Variants in CEP95 observed in about 807,000 individuals in gnomAD.
The protein encoded by CEP95 is centrosomal protein of 95 kDa.
A neutral mutation model predicts 111.2 loss-of-function variants in CEP95; 98 were observed. That is an observed-to-expected ratio of 0.88 (90% confidence interval 0.75 to 1.04). CEP95 has a LOEUF of 1.04. CEP95 is among the 50% of genes least tolerant of loss of function. CEP95 has a pLI of 0.00. For synonymous variants in CEP95, 323 were observed against 327.1 expected (o/e 0.99, Z 0.14); for missense variants, 1,027 against 977.2 (o/e 1.05, Z -0.68).
intron 13 of CEP95, among the ~76,000 whole-genome samples, chr17:64,531,688 G>GAGGCCAAA (rs1270202615): frequency 6.6e-6 from 1 of 152,144 alleles, no homozygotes; most frequent in Non-Finnish European, 1.5e-5. Context: ...AGGGATGCCA[G>GAGGCCAAA]AGGCCAAAAG....
chr17:64,533,924 A>G (rs1185070120), intron 16 of CEP95: 2 of 152,210 alleles, frequency 1.3e-5, no homozygotes, highest in African/African-American at 2.4e-5. Flanking sequence ...AGCCTCCGTT[A>G]TAATTTTGAC....
chr17:64,537,792 T>C lies in CEP95; in HGVS notation c.*13T>C. ...TCCCTCCCTATGAGGCCAGACTTGATAATAGTAGGTGAAGGTTCTGGAGGC... is the reference window on the plus strand; with the variant it reads ...TCCCTCCCTATGAGGCCAGACTTGACAATAGTAGGTGAAGGTTCTGGAGGC... On this transcript the variant is annotated 3_prime_UTR_variant, in exon 20 of 20. Transcript: ENST00000556440. 4 of 1,538,138 alleles carry C rather than the reference T, an allele frequency of 2.6e-6. No individual in the cohort carries two copies.
chr17:64,532,601 G>A, intron 14 of CEP95: 1 of 1,296,008 alleles, frequency 7.7e-7, no homozygotes, highest in Non-Finnish European at 9.8e-7. Context: ...TGAGCAATTA[G>A]GATGGACTTC....
rs573758572 is a variant in CEP95, at chr17:64,507,953, C to G, written c.20-639C>G. On this transcript the variant is annotated intron_variant, in intron 1 of 19. Transcript: ENST00000556440. ...CTAGGGGAGAGGAGAATGTGGTACGCAGGAAACGTCAACAGTATTGATAAT... is the reference window on the plus strand; with the variant it reads ...CTAGGGGAGAGGAGAATGTGGTACGGAGGAAACGTCAACAGTATTGATAAT... The G allele has an allele frequency of 5.6e-5, 55 of 984,790 alleles. No individual in the cohort carries two copies. The African/African-American group carries it at 8.6e-4, about 15-fold the overall frequency. 61.0% of individuals were successfully genotyped at this position (984,790 alleles called of 1,614,324 possible).
chr17:64,518,772 C>T (rs1178782395), intron 5 of CEP95, among the ~76,000 whole-genome samples: 7 of 152,144 alleles, frequency 4.6e-5, no homozygotes, highest in African/African-American at 1.4e-4. Flanking sequence ...CCTCTGCCTC[C>T]CAGGTTCAAG....
chr17:64,508,497 T>G, intron 1 of CEP95, 95 bp from the exon 2 acceptor site: 1 of 1,214,872 alleles, frequency 8.2e-7, no homozygotes, highest in African/African-American at 1.6e-5. Flanking sequence ...CAGTGTCTGT[T>G]TTTGTTGGGG....
intron 7 of CEP95, among the ~76,000 whole-genome samples, chr17:64,521,806 G>A (rs1967361216): frequency 6.6e-6 from 1 of 151,400 alleles, no homozygotes; most frequent in Non-Finnish European, 1.5e-5. Context: ...TACATCTATT[G>A]GTGGTCTTCA....
chr17:64,533,312 G>T, intron 16 of CEP95, 121 bp downstream of exon 16: 1 of 806,862 alleles, frequency 1.2e-6, no homozygotes, highest in Non-Finnish European at 1.9e-6. Context: ...ATGTGGAAGT[G>T]TTGCCTAGGT....
Position 64,507,313 on chromosome 17 carries a change from T to C in CEP95, c.19+197T>C, listed in dbSNP as rs879997962. On this transcript the variant is annotated intron_variant, in intron 1 of 19. Coordinates refer to ENST00000556440, the MANE Select transcript of CEP95 (RefSeq NM_138363.3). ...GCTTCGAGGCCGTGGAACAGCAGTATGCTGTGGGAGAGAGAGAGGCACTGG... is the reference window on the plus strand; with the variant it reads ...GCTTCGAGGCCGTGGAACAGCAGTACGCTGTGGGAGAGAGAGAGGCACTGG... 18 of 1,451,160 alleles carry C rather than the reference T, an allele frequency of 1.2e-5. No homozygotes were observed. In the Admixed American group the frequency reaches 3.3e-4, roughly 26 times the overall value. 89.9% of individuals were successfully genotyped at this position (1,451,160 alleles called of 1,614,324 possible).
At chr17:64,524,374 T>G (rs1967627699) in intron 8 of CEP95, among the ~76,000 whole-genome samples, 1 of 152,168 alleles carries the variant, frequency 6.6e-6, no homozygotes, top group Admixed American at 6.5e-5. Flanking sequence ...AGTGGTGCAG[T>G]CTGCACCCAC....
rs1967798147 is a variant in CEP95, at chr17:64,526,125, A to G, written c.1077A>G (p.Pro359=). 6.2e-7 allele frequency: 1 copy of G among 1,613,862 alleles called. No individual in the cohort carries two copies. Among genetic ancestry groups the G allele is most frequent in the Non-Finnish European group, 8.5e-7 (1 of 1,179,796 alleles). ...GCAATTCACCTTTCCCCCAGAGGCC[A>G]AGAAAGAGATTAACAGAACAAGAAT... ...SSCNSPFPQR[P]RKRLTEQELH... Residue 359 remains proline, a synonymous_variant, in exon 10 of 20, where the codon CCA becomes CCG. Coordinates refer to ENST00000556440, the MANE Select transcript of CEP95 (RefSeq NM_138363.3).
At chr17:64,532,696 A>T (rs1968363562) in intron 14 of CEP95, 143 bp from the exon 15 acceptor site, 1 of 1,443,430 alleles carries the variant, frequency 6.9e-7, no homozygotes, top group Admixed American at 2.9e-5. Context: ...CAGAGGAGTA[A>T]TGCAAATTAT....
chr17:64,534,930 G>C (rs542332493), intron 17 of CEP95, 193 bp downstream of exon 17: 1 of 591,262 alleles, frequency 1.7e-6, no homozygotes, highest in East Asian at 3.1e-5. Context: ...TCCATTCTCA[G>C]TCTCCGTGTC....
At chr17:64,521,078 A>G (rs1487414450) in intron 6 of CEP95, among the ~76,000 whole-genome samples, 2 of 152,126 alleles carry the variant, frequency 1.3e-5, no homozygotes, top group Admixed American at 1.3e-4. Context: ...CCCTGTCACA[A>G]TACAAAAAAT....
At chr17:64,532,378 C>G (rs1968341586) in intron 14 of CEP95, 1 of 985,256 alleles carries the variant, frequency 1.0e-6, no homozygotes, top group South Asian at 4.7e-5. Flanking sequence ...TGTCCACCTC[C>G]TATATATTGA....
intron 11 of CEP95, 139 bp from the exon 12 acceptor site, chr17:64,529,149 T>G: frequency 3.0e-6 from 2 of 676,692 alleles, no homozygotes; most frequent in East Asian, 5.5e-5. Context: ...ACCATACCAA[T>G]TCAAGTTAGT....
intron 2 of CEP95, 73 bp from the exon 3 acceptor site, chr17:64,510,100 C>T (rs530302094): frequency 1.5e-5 from 12 of 782,448 alleles, no homozygotes; most frequent in East Asian, 8.0e-5. Flanking sequence ...TATTCAGTAG[C>T]CTAGTCAGAG....
chr17:64,536,351 A>AGGT, intron 17 of CEP95: 1 of 244,194 alleles, frequency 4.1e-6, no homozygotes, highest in East Asian at 8.3e-5. Flanking sequence ...TGGGTAGCCA[A>AGGT]GGTGGGAGAA....
At chr17:64,537,213 T>C (rs1026789522) in intron 19 of CEP95, 101 bp downstream of exon 19, 11 of 1,529,518 alleles carry the variant, frequency 7.2e-6, no homozygotes, top group African/African-American at 1.4e-5. Context: ...CTGTATCATA[T>C]AGCCCCGGTG....
Sources: gnomAD v4.1 joint callset for allele counts (sites outside exome capture counted in the v4.1 genomes callset) on GRCh38, gnomAD v4.1.1 for gene constraint, MANE v1.5 for transcripts, NCBI Gene and HGNC (gene_info 2026-07-23, HGNC 2026-07-21) for gene names.